Variants in SPDYE3 observed in about 807,000 individuals in gnomAD.
The protein encoded by SPDYE3 is speedy protein E3.
Under a neutral mutation model 55.0 loss-of-function variants are expected in SPDYE3, and 15 were observed. The ratio of observed to expected loss-of-function variants is 0.27; its 90% confidence interval spans 0.18 to 0.42. The LOEUF is 0.42. SPDYE3 is among the 10% of genes least tolerant of loss of function. SPDYE3 has a pLI of 1.00. For missense variants in SPDYE3, 236 were observed against 576.7 expected (o/e 0.41, Z 6.05); for synonymous variants, 89 against 229.9 (o/e 0.39, Z 5.55).
intron 8 of SPDYE3, among the ~76,000 whole-genome samples, chr7:100,318,638 G>A (rs1789502077): frequency 6.6e-6 from 1 of 151,982 alleles, no homozygotes; most frequent in African/African-American, 2.4e-5. Context: ...ATTGGGATTA[G>A]GTCATCTCCC....
chr7:100,316,890 T>C (rs1806117753), intron 7 of SPDYE3, among the ~76,000 whole-genome samples, 180 bp from the exon 8 acceptor site: 1 of 152,258 alleles, frequency 6.6e-6, no homozygotes, highest in Non-Finnish European at 1.5e-5. Context: ...GCTTCTCGGA[T>C]TTGCATCCGA....
chr7:100,316,479 G>A (rs983904441), intron 7 of SPDYE3, among the ~76,000 whole-genome samples: 5 of 152,090 alleles, frequency 3.3e-5, no homozygotes, highest in African/African-American at 1.2e-4. Context: ...GTAGAAACAG[G>A]GTCTCGCTGT....
At position 100,318,088 on chromosome 7, in the gene SPDYE3, G is replaced by A. The variant is rs1010889449; in HGVS notation, c.1346+933G>A. Among the ~76,000 whole-genome samples the A allele has an allele frequency of 5.3e-5, 8 of 151,658 alleles. 2 individuals are homozygous for A. In the East Asian group the frequency reaches 9.6e-4, roughly 18 times the overall value. ...ATGACACTTCCCCCAGCAAGCAGACGTTTCCGGTTCTTCTCTCTCTCTCCT... is the reference window on the plus strand; with the variant it reads ...ATGACACTTCCCCCAGCAAGCAGACATTTCCGGTTCTTCTCTCTCTCTCCT... On this transcript the variant is annotated intron_variant, in intron 8 of 10. Transcript: ENST00000332397.
Position 100,320,952 on chromosome 7 carries a change from G to A in SPDYE3, c.*107G>A. On this transcript the variant is annotated 3_prime_UTR_variant, in exon 11 of 11. Transcript: ENST00000332397. ...GAACTTTATTCCAGTGCTAATGGCA[G>A]ACATCAGGAAGGAGGAGAGGAGCCA... 1 of 1,223,572 alleles carries A rather than the reference G, an allele frequency of 8.2e-7. No homozygotes were observed. The highest frequency in any genetic ancestry group is 1.2e-5 in the South Asian group (1 of 85,290). The allele number at this position is 1,223,572 out of a possible 1,614,324, so 75.8% of individuals were successfully genotyped here.
At position 100,315,865 on chromosome 7, in the gene SPDYE3, C is replaced by T. The variant is rs1446501125; in HGVS notation, c.1260+22C>T. 3.1e-6 allele frequency: 5 copies of T among 1,599,366 alleles called. No individual in the cohort carries two copies. In the East Asian group the frequency reaches 6.7e-5, roughly 21 times the overall value. On this transcript the variant is annotated intron_variant, in intron 7 of 10. Transcript: ENST00000332397. ...CAAGGTAAGGTTGTTCTCTATGTAA[C>T]TGTGTTCCTGTTCTAACGCACGGCC... is the stretch of plus-strand genomic sequence containing the variant.
chr7:100,318,741 G>A (rs1266747251), intron 8 of SPDYE3, among the ~76,000 whole-genome samples: 1 of 85,044 alleles, frequency 1.2e-5, no homozygotes, highest in East Asian at 3.3e-4. Context: ...TTTTTTTTTT[G>A]AGACAGACTT....
chr7:100,317,160 G>T lies in SPDYE3; in HGVS notation c.1346+5G>T. The T allele has an allele frequency of 6.2e-7, 1 of 1,611,816 alleles. No individual in the cohort carries two copies. The highest frequency in any genetic ancestry group is 8.5e-7 in the Non-Finnish European group (1 of 1,179,656). On this transcript the variant is annotated splice_donor_5th_base_variant and intron_variant, in intron 8 of 10. Coordinates refer to ENST00000332397, the MANE Select transcript of SPDYE3 (RefSeq NM_001004351.5). ...CATTCATTTCTTCCTGGCTCTGTGA[G>T]TGGTTTGCTGCCTCCTATCCATCAA...
rs1789592858 is a variant in SPDYE3, at chr7:100,322,158, C to T, written c.*1313C>T. Reference sequence around the variant, plus strand: ...ACATTTATAGCTATGTGGTAGTTCCCCTAAATTCTTGTAAAAATAAATTTT... The same window carrying T: ...ACATTTATAGCTATGTGGTAGTTCCTCTAAATTCTTGTAAAAATAAATTTT... On this transcript the variant is annotated 3_prime_UTR_variant, in exon 11 of 11. Transcript: ENST00000332397. 2 of 151,652 alleles carry T rather than the reference C, an allele frequency of 1.3e-5. No homozygotes were observed. Among genetic ancestry groups the T allele is most frequent in the African/African-American group, 4.8e-5 (2 of 41,338 alleles). 9.4% of individuals were successfully genotyped at this position (151,652 alleles called of 1,614,324 possible).
At chr7:100,318,297 C>T (rs1224887892) in intron 8 of SPDYE3, among the ~76,000 whole-genome samples, 2 of 152,144 alleles carry the variant, frequency 1.3e-5, no homozygotes, top group African/African-American at 2.4e-5. Flanking sequence ...GCACGACAAC[C>T]TCACTGCCCA....
intron 5 of SPDYE3, 34 bp downstream of exon 5, chr7:100,313,392 T>C (rs1237686316): frequency 2.6e-6 from 4 of 1,548,262 alleles, no homozygotes; most frequent in South Asian, 1.2e-5. Flanking sequence ...CCTCCAATCC[T>C]GTTCTTTCTA....
rs1554445310 is a variant in SPDYE3, at chr7:100,319,800, T to C, written c.1582T>C (p.Leu528=). ...RCRAWVSPEE[L]EEIQAYDPEH... The stretch of plus-strand genomic sequence containing the variant: ...CAGGGCTTGGGTTTCCCCGGAGGAG[T>C]TGGAGGAGGTGGGTGGGGCCTGGGG... The change falls in exon 9 of 11, where the codon TTG becomes CTG. Residue 528 remains leucine (L), a synonymous_variant. Coordinates refer to ENST00000332397, the MANE Select transcript of SPDYE3 (RefSeq NM_001004351.5). 3.7e-6 allele frequency: 6 copies of C among 1,613,052 alleles called. No individual in the cohort carries two copies. In the East Asian group the frequency reaches 6.7e-5, roughly 18 times the overall value.
intron 10 of SPDYE3, chr7:100,320,340 T>A: frequency 1.9e-6 from 2 of 1,060,038 alleles, no homozygotes; most frequent in Non-Finnish European, 2.5e-6. Flanking sequence ...AAATACTGAG[T>A]TCGGGGAGGT....
At chr7:100,308,052 A>G in intron 1 of SPDYE3, 61 bp downstream of exon 1, 1 of 1,493,526 alleles carries the variant, frequency 6.7e-7, no homozygotes, top group Non-Finnish European at 8.9e-7. Flanking sequence ...GAAGGGGGCC[A>G]GGTGCGGTAG....
chr7:100,321,892 C>T lies in SPDYE3; in HGVS notation c.*1047C>T. On this transcript the variant is annotated 3_prime_UTR_variant, in exon 11 of 11. Transcript: ENST00000332397. The stretch of plus-strand genomic sequence containing the variant: ...ATATTTATTTATTTAAATGTTATTA[C>T]TTTAAATATTATTTTAAATATTTTG... The T allele has an allele frequency of 6.9e-6, 1 of 144,034 alleles. No homozygotes were observed. Among genetic ancestry groups the T allele is most frequent in the African/African-American group, 2.5e-5 (1 of 40,010 alleles). 8.9% of individuals were successfully genotyped at this position (144,034 alleles called of 1,614,324 possible).
Position 100,321,200 on chromosome 7 carries a change from T to C in SPDYE3, c.*355T>C. On this transcript the variant is annotated 3_prime_UTR_variant, in exon 11 of 11. Coordinates refer to ENST00000332397, the MANE Select transcript of SPDYE3 (RefSeq NM_001004351.5). ...CCTGGGGCGGAACCTGGAGGTCCTG[T>C]TTCTTACGGACTTGGTTGCCACAGT... The C allele has an allele frequency of 6.1e-6, 3 of 492,104 alleles. No homozygotes were observed. Among genetic ancestry groups the C allele is most frequent in the Non-Finnish European group, 1.2e-5 (3 of 246,582 alleles). 30.5% of individuals were successfully genotyped at this position (492,104 alleles called of 1,614,324 possible). A position where few individuals can be genotyped will look rare whatever the true frequency, so the allele number is the denominator to read the frequency against.
intron 2 of SPDYE3, among the ~76,000 whole-genome samples, chr7:100,309,762 GGTCA>G (rs1184848263): frequency 6.9e-6 from 1 of 145,244 alleles, no homozygotes; most frequent in Non-Finnish European, 1.5e-5. Context: ...AAGGGTCAGA[GGTCA>G]GGAAGGAGAA....
Position 100,307,717 on chromosome 7 carries a change from G to C in SPDYE3, c.-169G>C. ...AAGGACCGGACTCTGTCGGCGCCTG[G>C]CAGTTCAGGTGAACAACAGTAACTT... On this transcript the variant is annotated 5_prime_UTR_variant, in exon 1 of 11. Coordinates refer to ENST00000332397, the MANE Select transcript of SPDYE3 (RefSeq NM_001004351.5). 10 of 1,390,294 alleles carry C rather than the reference G, an allele frequency of 7.2e-6. No individual in the cohort carries two copies. Among genetic ancestry groups the C allele is most frequent in the African/African-American group, 1.5e-5 (1 of 68,460 alleles). The allele number at this position is 1,390,294 out of a possible 1,614,324, so 86.1% of individuals were successfully genotyped here.
Position 100,319,657 on chromosome 7 carries a change from T to G in SPDYE3, c.1439T>G (p.Leu480Trp), listed in dbSNP as rs558482666. 4.3e-6 allele frequency: 7 copies of G among 1,614,092 alleles called. No individual in the cohort carries two copies. Among genetic ancestry groups the G allele is most frequent in the African/African-American group, 1.3e-5 (1 of 74,926 alleles). Residue 480 changes from leucine to tryptophan, a missense_variant, in exon 9 of 11, where the codon TTG becomes TGG. Leu to Trp is a moderately conservative substitution (Grantham distance 61). Coordinates refer to ENST00000332397, the MANE Select transcript of SPDYE3 (RefSeq NM_001004351.5). ...GGGAAGACCCACTCTCACATACCCT[T>G]GCGCCCTAAGCATTGGTTCCAGTTA... ...LYGKTHSHIP[L>W]RPKHWFQLCR...
At chr7:100,315,989 T>A in intron 7 of SPDYE3, 146 bp downstream of exon 7, 1 of 1,328,572 alleles carries the variant, frequency 7.5e-7, no homozygotes, top group Non-Finnish European at 1.0e-6. Context: ...TTTTTTTTTG[T>A]GAGACACAGT....
Sources: gnomAD v4.1 joint callset for allele counts (sites outside exome capture counted in the v4.1 genomes callset) on GRCh38, gnomAD v4.1.1 for gene constraint, MANE v1.5 for transcripts, NCBI Gene and HGNC (gene_info 2026-07-23, HGNC 2026-07-21) for gene names.